Variants in SOX6 observed in about 807,000 individuals in gnomAD.
SOX6 encodes transcription factor SOX-6.
A neutral mutation model predicts 97.8 loss-of-function variants in SOX6; 11 were observed. That is an observed-to-expected ratio of 0.11 (90% CI 0.07 to 0.19). SOX6 has a LOEUF of 0.19. Among genes scored for constraint, SOX6 ranks in the 10% least tolerant of loss-of-function variants. SOX6 has a pLI of 1.00. For synonymous variants in SOX6, 360 were observed against 371.4 expected, an observed-to-expected ratio of 0.97 and a Z score of 0.35; for missense variants, 810 against 1,039.5, an observed-to-expected ratio of 0.78 and a Z score of 3.04.
chr11:16,328,825 A>T (rs1856188365), intron 2 of SOX6, among the ~76,000 whole-genome samples: 2 of 152,112 alleles, frequency 1.3e-5, no homozygotes. Context: ...AATTGCAAAC[A>T]TTTACGGTTC....
At chr11:16,719,885 G>A (rs1389934550) in intron 2 of SOX6, among the ~76,000 whole-genome samples, 1 of 152,102 alleles carries the variant, frequency 6.6e-6, no homozygotes, top group African/African-American at 2.4e-5. Flanking sequence ...CCCAGCCTGG[G>A]CAACAGAACA....
chr11:16,350,560 A>C (rs1439593747), intron 1 of SOX6, among the ~76,000 whole-genome samples: 1 of 152,184 alleles, frequency 6.6e-6, no homozygotes, highest in Non-Finnish European at 1.5e-5. Context: ...CTAAACTTCG[A>C]TGATGAGTAA....
intron 1 of SOX6, among the ~76,000 whole-genome samples, chr11:16,380,619 T>TA (rs1024622970): frequency 5.3e-5 from 8 of 152,006 alleles, no homozygotes; most frequent in African/African-American, 1.9e-4. Context: ...ATAGTTTTTC[T>TA]AAAAAAAGCA....
At chr11:16,642,007 G>A (rs1848923851) in intron 3 of SOX6, among the ~76,000 whole-genome samples, 1 of 152,158 alleles carries the variant, frequency 6.6e-6, no homozygotes, top group Admixed American at 6.5e-5. Context: ...AGCCTCGATG[G>A]TCTTTACAAT....
chr11:16,429,023 C>T (rs936581729), intron 1 of SOX6, among the ~76,000 whole-genome samples: 2 of 152,000 alleles, frequency 1.3e-5, no homozygotes, highest in Non-Finnish European at 2.9e-5. Context: ...TCTCCTTGAA[C>T]AGGCACTTTT....
At chr11:16,590,909 T>C (rs1848142809) in intron 4 of SOX6, among the ~76,000 whole-genome samples, 1 of 151,998 alleles carries the variant, frequency 6.6e-6, no homozygotes, top group Non-Finnish European at 1.5e-5. Flanking sequence ...TCAACAATAA[T>C]TTATTGTACA....
At position 16,341,125 on chromosome 11, in the gene SOX6, G is replaced by A; in HGVS notation, c.124C>T (p.Pro42Ser). 6.2e-7 allele frequency: 1 copy of A among 1,613,568 alleles called. No homozygotes were observed. ...TTGTTGTGCATTATGGGGTGCAGAG[G>A]CAGATGGGAGGCCACATGTTGATCA... The part of the protein sequence containing the change: ...GSDQHVASHL[P>S]LHPIMHNKPH... The change falls in exon 2 of 16, where the codon CCT becomes TCT. Residue 42 changes from proline (P) to serine (S), a missense_variant. Physicochemically the swap from Pro to Ser is moderately conservative, Grantham distance 74. Transcript: ENST00000683767.
chr11:16,126,488 A>G (rs1849617416), intron 6 of SOX6, among the ~76,000 whole-genome samples: 1 of 152,098 alleles, frequency 6.6e-6, no homozygotes, highest in Non-Finnish European at 1.5e-5. Context: ...CTCTACAACC[A>G]GTCCTTATCT....
intron 4 of SOX6, among the ~76,000 whole-genome samples, chr11:16,491,500 A>ATGTGTGTG (rs34737280): frequency 6.6e-6 from 1 of 150,396 alleles, no homozygotes; most frequent in Non-Finnish European, 1.5e-5. Flanking sequence ...CCAACAGTCT[A>ATGTGTGTG]TGTGTGTGTG....
At chr11:16,356,611 G>T (rs764376488), upstream of SOX6, among the ~76,000 whole-genome samples, 19 of 152,008 alleles carry the variant, frequency 1.2e-4, no homozygotes, top group Non-Finnish European at 2.6e-4. Flanking sequence ...ATATAATACA[G>T]AATTCTCCTG....
At chr11:16,421,078 T>C (rs1859012472) in intron 1 of SOX6, among the ~76,000 whole-genome samples, 1 of 152,202 alleles carries the variant, frequency 6.6e-6, no homozygotes, top group African/African-American at 2.4e-5. Flanking sequence ...CTTTGAACCA[T>C]GTTTCCCTTT....
At chr11:16,674,616 C>T (rs1479226870) in intron 3 of SOX6, among the ~76,000 whole-genome samples, 1 of 152,142 alleles carries the variant, frequency 6.6e-6, no homozygotes, top group East Asian at 1.9e-4. Context: ...ACATGTAATC[C>T]CAGCACTTTG....
At chr11:16,591,135 T>C (rs1021001301) in intron 4 of SOX6, among the ~76,000 whole-genome samples, 1 of 152,082 alleles carries the variant, frequency 6.6e-6, no homozygotes, top group Non-Finnish European at 1.5e-5. Context: ...TACAATGCTT[T>C]GAAATGAGAA....
chr11:16,176,508 A>G (rs1851189975), intron 6 of SOX6, among the ~76,000 whole-genome samples: 1 of 151,880 alleles, frequency 6.6e-6, no homozygotes, highest in African/African-American at 2.4e-5. Context: ...AAGTAGTATA[A>G]TTAACTGTCT....
At chr11:16,467,494 A>G (rs1237759713) in intron 1 of SOX6, among the ~76,000 whole-genome samples, 5 of 152,192 alleles carry the variant, frequency 3.3e-5, no homozygotes, top group Non-Finnish European at 7.3e-5. Context: ...CAGGACATGG[A>G]TGGAGCTGGA....
intron 4 of SOX6, among the ~76,000 whole-genome samples, chr11:16,558,229 C>T (rs1222269356): frequency 6.6e-6 from 1 of 151,862 alleles, no homozygotes; most frequent in East Asian, 1.9e-4. Flanking sequence ...TTAAGATATT[C>T]AAGTAATTTA....
At chr11:16,486,068 T>A in intron 4 of SOX6, among the ~76,000 whole-genome samples, 1 of 148,700 alleles carries the variant, frequency 6.7e-6, no homozygotes. Context: ...CAGCTTATCA[T>A]TATGAACCAA....
At chr11:16,177,410 C>T (rs1269792538) in intron 6 of SOX6, among the ~76,000 whole-genome samples, 3 of 151,880 alleles carry the variant, frequency 2.0e-5, no homozygotes, top group Non-Finnish European at 4.4e-5. Flanking sequence ...ATCCAAGTAC[C>T]TAATTACTAT....
At chr11:16,358,249 T>C (rs1440279455), upstream of SOX6, among the ~76,000 whole-genome samples, 2 of 152,170 alleles carry the variant, frequency 1.3e-5, no homozygotes, top group African/African-American at 4.8e-5. Context: ...ACATTACTAA[T>C]AAAACTATAA....
Sources: gnomAD v4.1 joint callset for allele counts (sites outside exome capture counted in the v4.1 genomes callset) on GRCh38, gnomAD v4.1.1 for gene constraint, MANE v1.5 for transcripts, NCBI Gene and HGNC (gene_info 2026-07-23, HGNC 2026-07-21) for gene names.